Variants in RARS1 observed in about 807,000 individuals in gnomAD.
The protein encoded by RARS1 is arginine--tRNA ligase, cytoplasmic.
RARS1 carries 75 observed loss-of-function variants against 78.7 expected under a neutral mutation model. The observed-to-expected ratio is 0.95, with a 90% CI of 0.79 to 1.15. The LOEUF (loss-of-function observed/expected upper bound fraction) is 1.15. Ranked by LOEUF, RARS1 falls within the 50% of genes most tolerant of loss-of-function variation. The probability of loss-of-function intolerance (pLI) is 0.00; values close to 1 mark genes in which losing one functional copy is unlikely to be tolerated. For missense variants in RARS1, 787 were observed against 787.5 expected (o/e 1.00, Z 0.01); for synonymous variants, 273 against 268.2 (o/e 1.02, Z -0.18).
chr5:168,497,377 G>T, intron 7 of RARS1, 29 bp downstream of exon 7: 1 of 1,474,108 alleles, frequency 6.8e-7, no homozygotes, highest in Non-Finnish European at 9.1e-7. Context: ...TATATTATGT[G>T]TGTGTTTACC....
In RARS1 at chr5:168,510,586, A is replaced by C; in HGVS notation, c.1352A>C (p.Lys451Thr). ...GGGGGTTTTACATTTTTTAGGAAAA[A>C]GTTTAAAACACGTTCGGGTGAAACA... ...FGVVLGEDKK[K>T]FKTRSGETVR... is the part of the protein sequence containing the mutation. Residue 451 changes from lysine (K) to threonine (T), a missense_variant, in exon 12 of 15, where the codon AAG (lysine) becomes ACG (threonine). Coordinates refer to ENST00000231572, the MANE Select transcript of RARS1 (RefSeq NM_002887.4). 1 of 1,605,004 alleles carries C rather than the reference A, an allele frequency of 6.2e-7. No individual in the cohort carries two copies.
intron 7 of RARS1, among the ~76,000 whole-genome samples, chr5:168,500,090 AG>A (rs1052468757): frequency 1.1e-4 from 17 of 150,926 alleles, no homozygotes; most frequent in African/African-American, 3.9e-4. Flanking sequence ...TGGAGGCTGA[AG>A]CATGAGAATC....
At chr5:168,495,499 G>A in intron 6 of RARS1, 63 bp downstream of exon 6, 2 of 1,551,728 alleles carry the variant, frequency 1.3e-6, no homozygotes, top group East Asian at 2.3e-5. Context: ...AAATTCTATA[G>A]AACATGGAAT....
chr5:168,516,560 T>G (rs535211310), intron 12 of RARS1, among the ~76,000 whole-genome samples: 49 of 152,368 alleles, frequency 3.2e-4, no homozygotes, highest in Non-Finnish European at 5.9e-4. Flanking sequence ...ATTCAGTTTC[T>G]CATAGACACA....
At chr5:168,499,985 C>T (rs112026739) in intron 7 of RARS1, among the ~76,000 whole-genome samples, 2 of 152,144 alleles carry the variant, frequency 1.3e-5, no homozygotes, top group African/African-American at 4.8e-5. Flanking sequence ...GTCAGGAATT[C>T]GGGACCAGCC....
Position 168,517,043 on chromosome 5 carries a change from C to T in RARS1, c.1625+93C>T, listed in dbSNP as rs111718700. 896 of 1,326,754 alleles carry T rather than the reference C, an allele frequency of 6.8e-4. 4 individuals carry two copies. The African/African-American group carries it at 8.9e-3, about 13-fold the overall frequency. The allele number at this position is 1,326,754 out of a possible 1,614,324, so 82.2% of individuals were successfully genotyped here. On this transcript the variant is annotated intron_variant, in intron 13 of 14. Coordinates refer to ENST00000231572, the MANE Select transcript of RARS1 (RefSeq NM_002887.4). The stretch of plus-strand genomic sequence containing the variant: ...TTCTTTTTTTTTTTTTGAAATGAGA[C>T]GGGGTCTTGGGCTCAAATGATCCTC...
rs183877917 is a variant in RARS1, at chr5:168,487,586, A to G, written c.46-1016A>G. ...TTTATCTTTGCCTCACTTGGTTGTGATAATCATGAAGGTAATTTCTGAAAA... is the reference window on the plus strand; with the variant it reads ...TTTATCTTTGCCTCACTTGGTTGTGGTAATCATGAAGGTAATTTCTGAAAA... On this transcript the variant is annotated intron_variant, in intron 1 of 14. Transcript: ENST00000231572. 2.9e-4 allele frequency among the ~76,000 whole-genome samples: 44 copies of G among 152,308 alleles called. No homozygotes were observed. In the East Asian group the frequency reaches 6.8e-3, roughly 23 times the overall value.
In RARS1 at chr5:168,506,836, GTC is replaced by G; in HGVS notation, c.1346+7_1346+8del. 6.3e-7 allele frequency: 1 copy of G among 1,589,814 alleles called. No homozygotes were observed. Among genetic ancestry groups the G allele is most frequent in the Non-Finnish European group, 8.6e-7 (1 of 1,158,512 alleles). Reference sequence around the variant, plus strand: ...TGTGGTGCTAGGGGAAGACAAGTAAGTCTGGAAAATCTGAAGATGGTAATGAT... The same window carrying G: ...TGTGGTGCTAGGGGAAGACAAGTAAGTGGAAAATCTGAAGATGGTAATGAT... On this transcript the variant is annotated splice_donor_region_variant and intron_variant, in intron 11 of 14. Transcript: ENST00000231572.
chr5:168,492,623 G>A (rs755779483), intron 2 of RARS1, 36 bp from the exon 3 acceptor site: 62 of 1,491,022 alleles, frequency 4.2e-5, no homozygotes, highest in Admixed American at 1.7e-4. Flanking sequence ...ATGGTTTTAC[G>A]TACATTATTG....
In RARS1 at chr5:168,516,881, C is replaced by T; in HGVS notation, c.1556C>T (p.Ser519Phe). 2 of 1,614,148 alleles carry T rather than the reference C, an allele frequency of 1.2e-6. No homozygotes were observed. Among genetic ancestry groups the T allele is most frequent in the South Asian group, 1.1e-5 (1 of 91,074 alleles). The change falls in exon 13 of 15, where the codon TCC becomes TTC. Residue 519 changes from serine to phenylalanine, a missense_variant. Ser to Phe is a radical substitution (Grantham distance 155). Coordinates refer to ENST00000231572, the MANE Select transcript of RARS1 (RefSeq NM_002887.4). ...AACCGGTTGAATGACTACATCTTCT[C>T]CTTTGACAAAATGCTAGATGACAGA... ...SHNRLNDYIF[S>F]FDKMLDDRGN...
At chr5:168,491,923 T>C (rs555729404) in intron 2 of RARS1, among the ~76,000 whole-genome samples, 1 of 150,418 alleles carries the variant, frequency 6.6e-6, no homozygotes, top group African/African-American at 2.4e-5. Context: ...TTATCTTCTA[T>C]TAAAAGCATA....
intron 5 of RARS1, 147 bp from the exon 6 acceptor site, chr5:168,495,168 C>G (rs1758158695): frequency 7.5e-7 from 1 of 1,339,396 alleles, no homozygotes; most frequent in African/African-American, 1.5e-5. Flanking sequence ...GAATTACGGC[C>G]CAAATTAATG....
In RARS1 at chr5:168,489,836, C is replaced by A. The variant is rs572216288; in HGVS notation, c.180+1100C>A. Among the ~76,000 whole-genome samples the A allele has an allele frequency of 5.2e-5, 7 of 134,400 alleles. No homozygotes were observed. In the East Asian group the frequency reaches 1.3e-3, roughly 25 times the overall value. 88.2% of individuals were successfully genotyped at this position (134,400 alleles called of 152,430 possible). A position where few individuals can be genotyped will look rare whatever the true frequency, so the allele number is the denominator to read the frequency against. On this transcript the variant is annotated intron_variant, in intron 2 of 14. Transcript: ENST00000231572. ...TCTTTTTTTTTTTTTTTTTTTGAGA[C>A]GGAGTCTCACTCTTGTTGCTCAGGC...
intron 1 of RARS1, among the ~76,000 whole-genome samples, chr5:168,487,243 G>A (rs2152903015): frequency 6.6e-6 from 1 of 151,920 alleles, no homozygotes; most frequent in African/African-American, 2.4e-5. Flanking sequence ...GGGGGTCCCT[G>A]TATTCCTAGC....
intron 6 of RARS1, among the ~76,000 whole-genome samples, chr5:168,496,215 C>T (rs1261926711): frequency 1.3e-5 from 2 of 151,564 alleles, no homozygotes; most frequent in Non-Finnish European, 2.9e-5. Flanking sequence ...CCTGTCTCTA[C>T]TAAAAATACA....
In RARS1 at chr5:168,506,739, A is replaced by G; in HGVS notation, c.1254A>G (p.Thr418=). The G allele has an allele frequency of 6.2e-7, 1 of 1,613,418 alleles. No homozygotes were observed. The highest frequency in any genetic ancestry group is 8.5e-7 in the Non-Finnish European group (1 of 1,179,462). ...TGTTGTAGTCTGTGCACTTCCAGAC[A>G]ATATTTGCTGCTGCTCAAATGATTG... The part of the protein sequence containing the change: ...VDNGQSVHFQ[T]IFAAAQMIGW... The change falls in exon 11 of 15, where the codon ACA becomes ACG. Residue 418 remains threonine, a synonymous_variant. Coordinates refer to ENST00000231572, the MANE Select transcript of RARS1 (RefSeq NM_002887.4).
intron 9 of RARS1, among the ~76,000 whole-genome samples, chr5:168,502,568 ATTTTTTTT>A (rs34271397): frequency 3.3e-5 from 4 of 121,184 alleles, no homozygotes; most frequent in African/African-American, 1.2e-4. Context: ...TGATTCATGA[ATTTTTTTT>A]TTTTTTTTTT....
intron 1 of RARS1, 124 bp downstream of exon 1, chr5:168,486,667 G>T: frequency 1.0e-6 from 1 of 999,564 alleles, no homozygotes; most frequent in Non-Finnish European, 1.5e-6. Flanking sequence ...AGAGTGGAGC[G>T]GCACGGTCCC....
intron 12 of RARS1, among the ~76,000 whole-genome samples, chr5:168,515,093 A>T (rs901808684): frequency 2.0e-5 from 3 of 152,118 alleles, no homozygotes; most frequent in African/African-American, 7.2e-5. Context: ...TAATAATAAT[A>T]ATTTTGATCT....
Sources: gnomAD v4.1 joint callset for allele counts (sites outside exome capture counted in the v4.1 genomes callset) on GRCh38, gnomAD v4.1.1 for gene constraint, MANE v1.5 for transcripts, NCBI Gene and HGNC (gene_info 2026-07-23, HGNC 2026-07-21) for gene names.